Variants in BMPER observed in about 807,000 individuals in gnomAD.
The protein encoded by BMPER is BMP binding endothelial regulator.
In BMPER, 45 loss-of-function variants were observed where a neutral mutation model predicts 87.3. The ratio of observed to expected loss-of-function variants is 0.52; its 90% CI spans 0.41 to 0.66. The LOEUF is 0.66. Among genes scored for constraint, BMPER ranks in the 30% least tolerant of loss-of-function variants. The pLI is 0.00. For synonymous variants in BMPER, 326 were observed against 316.2 expected, an observed-to-expected ratio of 1.03 and a Z score of -0.33; for missense variants, 784 against 867.5, an observed-to-expected ratio of 0.90 and a Z score of 1.21.
At chr7:33,996,484 A>G (rs1413947110) in intron 6 of BMPER, among the ~76,000 whole-genome samples, 5 of 152,190 alleles carry the variant, frequency 3.3e-5, no homozygotes, top group Non-Finnish European at 7.3e-5. Flanking sequence ...CTTGCTGTCT[A>G]CAATTATTGC....
At chr7:34,052,821 G>T (rs540810445) in intron 8 of BMPER, among the ~76,000 whole-genome samples, 1 of 152,176 alleles carries the variant, frequency 6.6e-6, no homozygotes, top group African/African-American at 2.4e-5. Flanking sequence ...CCACTTCAGC[G>T]GGTGGTTGGT....
intron 6 of BMPER, among the ~76,000 whole-genome samples, chr7:34,033,910 G>A (rs1562701152): frequency 2.0e-5 from 3 of 152,302 alleles, no homozygotes. Flanking sequence ...AACTGCTGTC[G>A]TTTTCTGTAT....
chr7:34,151,912 C>T (rs1185187271), intron 14 of BMPER, among the ~76,000 whole-genome samples: 1 of 152,202 alleles, frequency 6.6e-6, no homozygotes, highest in East Asian at 1.9e-4. Context: ...AATGTGTTCT[C>T]TCATTTGTTT....
intron 6 of BMPER, among the ~76,000 whole-genome samples, chr7:34,029,198 T>C (rs1585753417): frequency 1.3e-5 from 2 of 152,108 alleles, no homozygotes; most frequent in Non-Finnish European, 2.9e-5. Context: ...TCTTTGACTA[T>C]AGATATAAAA....
At chr7:33,994,623 A>G (rs1786348425) in intron 6 of BMPER, among the ~76,000 whole-genome samples, 1 of 152,148 alleles carries the variant, frequency 6.6e-6, no homozygotes, top group African/African-American at 2.4e-5. Context: ...AGCTGTTCCT[A>G]TTCGGCCATC....
At chr7:34,067,518 A>C (rs186346041) in intron 11 of BMPER, among the ~76,000 whole-genome samples, 1 of 152,096 alleles carries the variant, frequency 6.6e-6, no homozygotes, top group East Asian at 1.9e-4. Context: ...GCTGTAAGCA[A>C]CTCCAGGTCC....
intron 13 of BMPER, among the ~76,000 whole-genome samples, chr7:34,123,490 A>G (rs1790314401): frequency 6.6e-6 from 1 of 152,242 alleles, no homozygotes; most frequent in Admixed American, 6.5e-5. Flanking sequence ...CAATTTAGTC[A>G]GAATCTTCTA....
intron 13 of BMPER, among the ~76,000 whole-genome samples, chr7:34,139,173 C>G (rs571712916): frequency 6.6e-6 from 1 of 152,224 alleles, no homozygotes; most frequent in South Asian, 2.1e-4. Context: ...CCTTTGTAAC[C>G]AACAGAAGCA....
chr7:33,990,279 C>T (rs994465588), intron 6 of BMPER, among the ~76,000 whole-genome samples: 4 of 136,284 alleles, frequency 2.9e-5, no homozygotes, highest in Non-Finnish European at 4.7e-5. Flanking sequence ...GTTGTATCCT[C>T]TTTTATTTCC....
At chr7:33,987,494 A>G (rs1786042393) in intron 6 of BMPER, among the ~76,000 whole-genome samples, 1 of 152,076 alleles carries the variant, frequency 6.6e-6, no homozygotes, top group African/African-American at 2.4e-5. Flanking sequence ...TCTGAAATCC[A>G]CCTAAGATCT....
chr7:33,974,766 T>C lies in BMPER; in HGVS notation c.558T>C (p.Cys186=). Residue 186 remains cysteine (C), a synonymous_variant, in exon 6 of 15, where the codon TGT becomes TGC. Coordinates refer to ENST00000649409, the MANE Select transcript of BMPER (RefSeq NM_001365308.1). ...AATTTCAGCCAGAAGGAAGCAAATG[T>C]ACCAAGTGTTCCTGCACTGTAAGTC... is the stretch of plus-strand genomic sequence containing the variant. The part of the protein sequence containing the change: ...GEEFQPEGSK[C]TKCSCTGGRT... 6.2e-7 allele frequency: 1 copy of C among 1,614,114 alleles called. No homozygotes were observed. The highest frequency in any genetic ancestry group is 8.5e-7 in the Non-Finnish European group (1 of 1,179,970).
chr7:34,127,345 T>C (rs1392870214), intron 13 of BMPER, among the ~76,000 whole-genome samples: 1 of 152,220 alleles, frequency 6.6e-6, no homozygotes, highest in Non-Finnish European at 1.5e-5. Flanking sequence ...GGAGCTGGCT[T>C]CTATTGTCCC....
Position 33,954,684 on chromosome 7 carries a change from A to G in BMPER, c.320-11795A>G, listed in dbSNP as rs116435830. Among the ~76,000 whole-genome samples, 1,431 of 152,292 alleles carry G rather than the reference A, an allele frequency of 9.4e-3. 22 individuals are homozygous for G. The highest frequency in any genetic ancestry group is 0.033 in the African/African-American group (1,358 of 41,562). The stretch of plus-strand genomic sequence containing the variant: ...TTGATAAACTAAAATTCAGAAATCA[A>G]TGGTTGCTCTGAGATTCAGGGAGTG... On this transcript the variant is annotated intron_variant, in intron 3 of 14. Coordinates refer to ENST00000649409, the MANE Select transcript of BMPER (RefSeq NM_001365308.1).
At chr7:34,080,511 AC>A in intron 12 of BMPER, among the ~76,000 whole-genome samples, 1 of 152,148 alleles carries the variant, frequency 6.6e-6, no homozygotes, top group Admixed American at 6.5e-5. Context: ...TGAGAGATCT[AC>A]TCATTCAAGT....
chr7:33,970,780 G>T (rs1255986887), intron 5 of BMPER, among the ~76,000 whole-genome samples: 1 of 152,190 alleles, frequency 6.6e-6, no homozygotes, highest in Non-Finnish European at 1.5e-5. Context: ...CCATGGTGAT[G>T]AGGTGACCAG....
At chr7:33,919,716 C>A (rs566241966) in intron 2 of BMPER, among the ~76,000 whole-genome samples, 2 of 152,140 alleles carry the variant, frequency 1.3e-5, no homozygotes, top group Non-Finnish European at 2.9e-5. Flanking sequence ...AAGACAGGAG[C>A]AATGCTTTTT....
intron 6 of BMPER, among the ~76,000 whole-genome samples, chr7:34,015,323 T>C (rs964741027): frequency 6.6e-6 from 1 of 151,986 alleles, no homozygotes; most frequent in Non-Finnish European, 1.5e-5. Flanking sequence ...CTTCACAGTG[T>C]TGAGTGAAGA....
intron 6 of BMPER, among the ~76,000 whole-genome samples, chr7:33,981,616 T>C (rs1171076262): frequency 6.6e-6 from 1 of 152,208 alleles, no homozygotes; most frequent in Admixed American, 6.5e-5. Flanking sequence ...TGGCTCATAA[T>C]GGGTATACAT....
At chr7:33,907,372 G>T (rs541441372) in intron 2 of BMPER, among the ~76,000 whole-genome samples, 28 of 152,216 alleles carry the variant, frequency 1.8e-4, no homozygotes, top group Non-Finnish European at 1.3e-4. Flanking sequence ...AGGACAAGAT[G>T]TAATTCTGGA....
Sources: allele counts gnomAD v4.1 joint callset (sites outside exome capture counted in the v4.1 genomes callset), GRCh38; gene constraint gnomAD v4.1.1; transcripts MANE v1.5; gene names NCBI Gene and HGNC (gene_info 2026-07-23, HGNC 2026-07-21).